The following SGCZ variants were observed in gnomAD, a reference collection of about 807,000 sequenced individuals.
SGCZ encodes the protein sarcoglycan zeta, also known as zeta-sarcoglycan.
SGCZ carries 40 observed loss-of-function variants against 41.3 expected under a neutral mutation model. The observed-to-expected ratio is 0.97, with a 90% CI of 0.75 to 1.26. The LOEUF (loss-of-function observed/expected upper bound fraction) is 1.26, where lower values mean the gene tolerates loss of function less well. Among genes scored for constraint, SGCZ ranks in the 50% most tolerant of loss-of-function variants. SGCZ has a pLI of 0.00. For missense variants in SGCZ, 552 were observed against 369.8 expected (o/e 1.49, Z -4.04); for synonymous variants, 206 against 137.5 (o/e 1.50, Z -3.49).
intron 2 of SGCZ, among the ~76,000 whole-genome samples, chr8:14,339,417 T>C (rs1025869253): frequency 1.3e-5 from 2 of 152,206 alleles, no homozygotes; most frequent in Non-Finnish European, 2.9e-5. Flanking sequence ...AGGACACAAA[T>C]TATGATGTTT....
Position 14,456,895 on chromosome 8 carries a change from A to G in SGCZ, c.234+97837T>C, listed in dbSNP as rs926640841. The stretch of plus-strand genomic sequence containing the variant: ...AAAAGTGCGTGGTACCTCCCCTCCA[A>G]CCACACTCTCTCTCTCTTGCTTTTT... On this transcript the variant is annotated intron_variant, in intron 2 of 7. Transcript: ENST00000382080. Among the ~76,000 whole-genome samples, 5 of 152,032 alleles carry G rather than the reference A, an allele frequency of 3.3e-5. No individual in the cohort carries two copies. The East Asian group carries it at 9.7e-4, about 30-fold the overall frequency.
intron 1 of SGCZ, among the ~76,000 whole-genome samples, chr8:14,734,719 A>G (rs1259879292): frequency 6.6e-6 from 1 of 152,162 alleles, no homozygotes; most frequent in Non-Finnish European, 1.5e-5. Context: ...TCTTGATTGC[A>G]TAGTATTAAA....
chr8:14,496,027 G>A (rs957724632), intron 2 of SGCZ, among the ~76,000 whole-genome samples: 4 of 152,102 alleles, frequency 2.6e-5, no homozygotes, highest in Non-Finnish European at 5.9e-5. Flanking sequence ...TGCAATAGGG[G>A]CTGGAAATTG....
rs1054608849 is a variant in SGCZ at position 14,467,506 on chromosome 8, A to G, written c.234+87226T>C. Among the ~76,000 whole-genome samples, 5 of 152,092 alleles carry G rather than the reference A, an allele frequency of 3.3e-5. No individual in the cohort carries two copies. The South Asian group carries it at 1.0e-3, about 31-fold the overall frequency. On this transcript the variant is annotated intron_variant, in intron 2 of 7. Coordinates refer to ENST00000382080, the MANE Select transcript of SGCZ (RefSeq NM_139167.4). ...ACTGTGTGCAAACTGCTTCAGGAAC[A>G]TACAGGTGCCTGTCATGTGTTGAGG...
rs1450582786 is a variant in SGCZ at position 14,360,506 on chromosome 8, A to G, written c.235-36302T>C. The stretch of plus-strand genomic sequence containing the variant: ...ACACCCAGCTAATTTCTGAATTTTT[A>G]GTAGAGTCAGGGTTTTACCATGTTG... On this transcript the variant is annotated intron_variant, in intron 2 of 7. Transcript: ENST00000382080. 2.0e-5 allele frequency among the ~76,000 whole-genome samples: 3 copies of G among 151,960 alleles called. No homozygotes were observed. The East Asian group carries it at 5.8e-4, about 29-fold the overall frequency.
chr8:14,672,112 G>C lies in SGCZ; in HGVS notation c.40-117186C>G, dbSNP rs543577526. Among the ~76,000 whole-genome samples, 15 of 152,154 alleles carry C rather than the reference G, an allele frequency of 9.9e-5. No individual in the cohort carries two copies. The East Asian group carries it at 2.3e-3, about 24-fold the overall frequency. On this transcript the variant is annotated intron_variant, in intron 1 of 7. Coordinates refer to ENST00000382080, the MANE Select transcript of SGCZ (RefSeq NM_139167.4). ...AGAGTACTGAAAATAAATAATGCGG[G>C]AATTTAAAAAGAACTGTGAGGTTCT...
chr8:14,876,342 G>A (rs541699393), intron 1 of SGCZ, among the ~76,000 whole-genome samples: 11 of 152,280 alleles, frequency 7.2e-5, no homozygotes, highest in African/African-American at 2.6e-4. Context: ...AAACGATGCA[G>A]GTAAAGCTGT....
chr8:14,199,586 C>T (rs1470277614), intron 4 of SGCZ, among the ~76,000 whole-genome samples: 2 of 151,956 alleles, frequency 1.3e-5, no homozygotes, highest in Non-Finnish European at 1.5e-5. Context: ...TTTTACGGCT[C>T]GGGGGGCATC....
intron 1 of SGCZ, among the ~76,000 whole-genome samples, chr8:15,137,268 T>C (rs1354422879): frequency 6.6e-6 from 1 of 152,190 alleles, no homozygotes; most frequent in Non-Finnish European, 1.5e-5. Flanking sequence ...GGAAGAAATT[T>C]CCAAGTGGAA....
intron 1 of SGCZ, among the ~76,000 whole-genome samples, chr8:15,048,452 T>C (rs1804393011): frequency 6.6e-6 from 1 of 152,082 alleles, no homozygotes; most frequent in Non-Finnish European, 1.5e-5. Flanking sequence ...TAATTCATTG[T>C]GTACTTCAAA....
chr8:14,332,913 A>T (rs572209884), intron 2 of SGCZ, among the ~76,000 whole-genome samples: 1 of 137,714 alleles, frequency 7.3e-6, no homozygotes, highest in East Asian at 2.1e-4. Context: ...ATCTATACAC[A>T]CATATATATA....
At chr8:15,125,097 G>C (rs1165506327) in intron 1 of SGCZ, among the ~76,000 whole-genome samples, 1 of 152,062 alleles carries the variant, frequency 6.6e-6, no homozygotes, top group East Asian at 1.9e-4. Flanking sequence ...ACTGACCCTT[G>C]TTTTACCATC....
At chr8:14,120,267 G>A (rs1379767953) in intron 5 of SGCZ, among the ~76,000 whole-genome samples, 1 of 152,090 alleles carries the variant, frequency 6.6e-6, no homozygotes, top group Non-Finnish European at 1.5e-5. Context: ...GAACAATATA[G>A]AAAGATATTA....
chr8:14,666,076 C>T (rs1807900947), intron 1 of SGCZ, among the ~76,000 whole-genome samples: 1 of 152,086 alleles, frequency 6.6e-6, no homozygotes, highest in African/African-American at 2.4e-5. Flanking sequence ...AAACATTTGC[C>T]CTTCTCAGAT....
chr8:15,198,887 T>C (rs1329398117), intron 1 of SGCZ, among the ~76,000 whole-genome samples: 1 of 152,164 alleles, frequency 6.6e-6, no homozygotes, highest in Non-Finnish European at 1.5e-5. Context: ...TAAAGTCAGA[T>C]TTAGGTATCA....
chr8:14,517,974 A>C (rs1306940682), intron 2 of SGCZ, among the ~76,000 whole-genome samples: 2 of 151,770 alleles, frequency 1.3e-5, no homozygotes, highest in African/African-American at 4.8e-5. Flanking sequence ...TTGTTGATTT[A>C]ACTTTATTGC....
At chr8:14,791,257 A>G (rs777525492) in intron 1 of SGCZ, among the ~76,000 whole-genome samples, 1 of 152,064 alleles carries the variant, frequency 6.6e-6, no homozygotes, top group Non-Finnish European at 1.5e-5. Context: ...TTAGTTTGCC[A>G]GAGACTGCTT....
At chr8:15,042,546 G>A (rs946428684) in intron 1 of SGCZ, among the ~76,000 whole-genome samples, 1 of 152,018 alleles carries the variant, frequency 6.6e-6, no homozygotes, top group Non-Finnish European at 1.5e-5. Context: ...CAACAAATAC[G>A]TCCTTTATAA....
intron 5 of SGCZ, among the ~76,000 whole-genome samples, chr8:14,124,049 T>C (rs373438312): frequency 6.6e-6 from 1 of 152,086 alleles, no homozygotes; most frequent in African/African-American, 2.4e-5. Context: ...AGGAAACAGA[T>C]TGACTCAGAA....
Sources: gnomAD v4.1 joint callset for allele counts (sites outside exome capture counted in the v4.1 genomes callset) on GRCh38, gnomAD v4.1.1 for gene constraint, MANE v1.5 for transcripts, NCBI Gene and HGNC (gene_info 2026-07-23, HGNC 2026-07-21) for gene names.